Variants in AGAP6 observed in about 807,000 individuals in gnomAD.
AGAP6 encodes ArfGAP with GTPase domain, ankyrin repeat and PH domain 6.
Under a neutral mutation model 63.9 loss-of-function variants are expected in AGAP6, and 29 were observed. That is an observed-to-expected ratio of 0.45 (90% CI 0.34 to 0.62). The LOEUF (loss-of-function observed/expected upper bound fraction) is 0.62. AGAP6 is among the 20% of genes least tolerant of loss of function. The probability of loss-of-function intolerance (pLI) is 0.01; values close to 1 mark genes in which losing one functional copy is unlikely to be tolerated. For missense variants in AGAP6, 493 were observed against 884.9 expected (o/e 0.56, Z 5.62); for synonymous variants, 199 against 332.9 (o/e 0.60, Z 4.38).
chr10:50,009,674 C>T lies in AGAP6; in HGVS notation c.1549C>T (p.Arg517Ter), dbSNP rs782767193. 40 of 1,614,050 alleles carry T rather than the reference C, an allele frequency of 2.5e-5. No homozygotes were observed. Among genetic ancestry groups the T allele is most frequent in the African/African-American group, 2.4e-4 (18 of 74,920 alleles). ...RSLGPHLSRVRSLELDDWPVE... is the reference protein window; with the variant it reads ...RSLGPHLSRV ...TCTTGGCCCCCACCTTTCCCGTGTG[C>T]GATCTCTGGAGCTGGATGACTGGCC... is the stretch of plus-strand genomic sequence containing the variant. The change falls in exon 8 of 8, where the codon CGA becomes TGA. Residue 517 changes from arginine (R) to a stop codon, truncating the protein, a stop_gained. Coordinates refer to ENST00000412531, the MANE Select transcript of AGAP6 (RefSeq NM_001077665.3). LOFTEE classifies it high-confidence loss of function.
Position 50,008,851 on chromosome 10 carries a change from CGTTT to C in AGAP6, c.728_731del (p.Val243AlafsTer47). ...CTCCCACTGCCAACACACCCACGCCCGTTTGCAAGCGGTCCATGCGCTGGTCCAA... is the reference window on the plus strand; with the variant it reads ...CTCCCACTGCCAACACACCCACGCCCGCAAGCGGTCCATGCGCTGGTCCAA... On this transcript the variant is annotated frameshift_variant, in exon 8 of 8. Transcript: ENST00000412531. LOFTEE classifies it high-confidence loss of function. The C allele has an allele frequency of 6.2e-7, 1 of 1,614,034 alleles. No homozygotes were observed. Among genetic ancestry groups the C allele is most frequent in the Non-Finnish European group, 8.5e-7 (1 of 1,179,996 alleles).
intron 4 of AGAP6, among the ~76,000 whole-genome samples, chr10:49,997,640 A>G (rs1841540470): frequency 6.6e-6 from 1 of 152,112 alleles, no homozygotes; most frequent in African/African-American, 2.4e-5. Flanking sequence ...TTATTTATTT[A>G]TTATTTCCAT....
intron 3 of AGAP6, among the ~76,000 whole-genome samples, chr10:49,994,030 A>G (rs1281168765): frequency 6.6e-6 from 1 of 152,162 alleles, no homozygotes; most frequent in African/African-American, 2.4e-5. Context: ...TAATTAAAGT[A>G]AGCTATGTAT....
chr10:49,997,235 G>A (rs1841525022), intron 4 of AGAP6, among the ~76,000 whole-genome samples: 2 of 151,978 alleles, frequency 1.3e-5, no homozygotes, highest in Admixed American at 1.3e-4. Flanking sequence ...CATAGATGGA[G>A]CTGTTTTCCT....
intron 3 of AGAP6, 148 bp from the exon 4 acceptor site, chr10:49,994,247 G>C (rs1841394925): frequency 3.1e-6 from 3 of 960,018 alleles, no homozygotes; most frequent in Admixed American, 3.7e-5. Flanking sequence ...AATCATGCCA[G>C]ATAATTTAAA....
chr10:50,009,204 G>A lies in AGAP6; in HGVS notation c.1079G>A (p.Ser360Asn), dbSNP rs200481447. Reference sequence around the variant, plus strand: ...TGCACACCCATCTCCAGCTCTAAAAGCAATGGCCTATCCAAGGACATGGAC... The same window carrying A: ...TGCACACCCATCTCCAGCTCTAAAAACAATGGCCTATCCAAGGACATGGAC... ...SACTPISSSK[S>N]NGLSKDMDTG... The change falls in exon 8 of 8, where the codon AGC (serine) becomes AAC (asparagine). Residue 360 changes from serine (S) to asparagine (N), a missense_variant. This residue lies in a region of AGAP6 where 342 missense variants were observed against 533.4 expected (regional missense o/e 0.64). Coordinates refer to ENST00000412531, the MANE Select transcript of AGAP6 (RefSeq NM_001077665.3). 64 of 1,614,216 alleles carry A rather than the reference G, an allele frequency of 4.0e-5. No individual in the cohort carries two copies. The Middle Eastern group carries it at 1.8e-3, about 46-fold the overall frequency.
chr10:49,991,567 A>G (rs1589083297), intron 2 of AGAP6, 109 bp from the exon 3 acceptor site: 2 of 1,418,874 alleles, frequency 1.4e-6, no homozygotes, highest in African/African-American at 1.4e-5. Context: ...ATGGATAAGA[A>G]TCAAAGTAGA....
At chr10:49,993,599 C>T (rs1386489956) in intron 3 of AGAP6, among the ~76,000 whole-genome samples, 2 of 152,024 alleles carry the variant, frequency 1.3e-5, no homozygotes, top group Non-Finnish European at 2.9e-5. Context: ...GGGTGGATCA[C>T]GAGGTTAGGA....
Position 50,002,110 on chromosome 10 carries a change from T to C in AGAP6, c.497+14T>C. 6.2e-7 allele frequency: 1 copy of C among 1,601,376 alleles called. No homozygotes were observed. Among genetic ancestry groups the C allele is most frequent in the South Asian group, 1.1e-5 (1 of 90,532 alleles). Reference sequence around the variant, plus strand: ...GACAATAATATCGTGAGTACAACTATGCTGCCGAGGGACAGATTCCTTTAT... The same window carrying C: ...GACAATAATATCGTGAGTACAACTACGCTGCCGAGGGACAGATTCCTTTAT... On this transcript the variant is annotated intron_variant, in intron 5 of 7. Transcript: ENST00000412531.
chr10:50,006,338 T>C (rs1436629598), intron 6 of AGAP6, among the ~76,000 whole-genome samples: 3 of 152,210 alleles, frequency 2.0e-5, no homozygotes, highest in South Asian at 4.1e-4. Flanking sequence ...AATTTTATCA[T>C]TGGGAACAAA....
chr10:49,997,993 T>TAG (rs1251250706), intron 4 of AGAP6, among the ~76,000 whole-genome samples: 2 of 17,276 alleles, frequency 1.2e-4, no homozygotes, highest in East Asian at 5.6e-3. Context: ...GAATTCCTCA[T>TAG]ATATATATAT....
chr10:49,989,188 C>T, intron 1 of AGAP6, 120 bp from the exon 2 acceptor site: 1 of 1,492,332 alleles, frequency 6.7e-7, no homozygotes, highest in African/African-American at 1.4e-5. Flanking sequence ...CTCATTCTCC[C>T]AGGCTGGCAT....
intron 3 of AGAP6, 21 bp downstream of exon 3, chr10:49,991,765 C>G: frequency 6.3e-7 from 1 of 1,597,846 alleles, no homozygotes; most frequent in Middle Eastern, 2.0e-4. Context: ...ATTGTCTTTT[C>G]CACCAAGAGA....
chr10:49,990,613 G>C (rs1182242758), intron 2 of AGAP6, among the ~76,000 whole-genome samples: 1 of 152,124 alleles, frequency 6.6e-6, no homozygotes, highest in Admixed American at 6.5e-5. Flanking sequence ...TATGGTTCTT[G>C]AATAAAAACT....
At chr10:50,006,068 C>A (rs1462507555) in intron 6 of AGAP6, among the ~76,000 whole-genome samples, 7 of 151,602 alleles carry the variant, frequency 4.6e-5, no homozygotes, top group Non-Finnish European at 8.8e-5. Context: ...AAATTAGTTA[C>A]GGTGGCATTT....
chr10:49,995,612 G>A (rs1325411721), intron 4 of AGAP6, among the ~76,000 whole-genome samples: 3 of 152,054 alleles, frequency 2.0e-5, no homozygotes, highest in Admixed American at 1.3e-4. Context: ...AGATATGCTC[G>A]ATGTCTGCTT....
At chr10:49,990,794 C>G (rs1220084983) in intron 2 of AGAP6, among the ~76,000 whole-genome samples, 3 of 152,160 alleles carry the variant, frequency 2.0e-5, no homozygotes, top group Non-Finnish European at 4.4e-5. Flanking sequence ...AATTAAGACT[C>G]ATTATGAGTG....
rs1204196107 is a variant in AGAP6, at chr10:49,988,868, T to C, written c.153T>C (p.Pro51=). The change falls in exon 1 of 8, where the codon CCT becomes CCC. Residue 51 remains proline (P), a synonymous_variant. Transcript: ENST00000412531. ...CGCCCATGGCTGCTGCTGTACAGCCTGCTGAGGTGACTGTTGAAGTTGGTG... is the reference window on the plus strand; with the variant it reads ...CGCCCATGGCTGCTGCTGTACAGCCCGCTGAGGTGACTGTTGAAGTTGGTG... The part of the protein sequence containing the change: ...AGAPMAAAVQ[P]AEVTVEVGED... 10 of 1,599,328 alleles carry C rather than the reference T, an allele frequency of 6.3e-6. No homozygotes were observed. The highest frequency in any genetic ancestry group is 7.6e-6 in the Non-Finnish European group (9 of 1,179,582).
At chr10:49,998,111 A>G (rs1554862349) in intron 4 of AGAP6, among the ~76,000 whole-genome samples, 1 of 119,588 alleles carries the variant, frequency 8.4e-6, no homozygotes, top group African/African-American at 3.3e-5. Context: ...AGTTCCTCAT[A>G]GATTCTGGAT....
Sources: gnomAD v4.1 joint callset for allele counts (sites outside exome capture counted in the v4.1 genomes callset) on GRCh38, gnomAD v4.1.1 for gene constraint, gnomAD v4.1.1 regional missense constraint, MANE v1.5 for transcripts, NCBI Gene and HGNC (gene_info 2026-07-23, HGNC 2026-07-21) for gene names.